Variants in HERC3 observed in about 807,000 individuals in gnomAD.
HERC3 encodes probable E3 ubiquitin-protein ligase HERC3.
A neutral mutation model predicts 129.9 loss-of-function variants in HERC3; 58 were observed. The ratio of observed to expected loss-of-function variants is 0.45; its 90% CI spans 0.36 to 0.56. The LOEUF (loss-of-function observed/expected upper bound fraction) is 0.56, where lower values mean the gene tolerates loss of function less well. Among genes scored for constraint, HERC3 ranks in the 20% least tolerant of loss-of-function variants. The pLI is 0.00. For missense variants in HERC3, 835 were observed against 1,244.2 expected (o/e 0.67, Z 4.95); for synonymous variants, 430 against 451.0 (o/e 0.95, Z 0.59).
At chr4:88,696,912 C>G (rs1251161107) in intron 23 of HERC3, 4 of 343,956 alleles carry the variant, frequency 1.2e-5, no homozygotes, top group Non-Finnish European at 2.1e-5. Context: ...TCTGCTAACA[C>G]CCTTTGTAAA....
At position 88,706,782 on chromosome 4, in the gene HERC3, T is replaced by C. The variant is rs1301769653; in HGVS notation, c.2975T>C (p.Ile992Thr). Reference protein sequence around the residue: ...LFLTGSDRIPIYGMASLQIVI... With the variant: ...LFLTGSDRIPTYGMASLQIVI... ...CTGACAGGCAGCGATCGGATTCCCA[T>C]CTACGGCATGGCCAGTCTGCAGATT... The change falls in exon 26 of 26, where the codon ATC becomes ACC. Residue 992 changes from isoleucine (I) to threonine (T), a missense_variant. Coordinates refer to ENST00000402738, the MANE Select transcript of HERC3 (RefSeq NM_014606.3). 1 of 1,614,076 alleles carries C rather than the reference T, an allele frequency of 6.2e-7. No individual in the cohort carries two copies. Among genetic ancestry groups the C allele is most frequent in the Admixed American group, 1.7e-5 (1 of 59,998 alleles).
At chr4:88,664,122 G>A in intron 11 of HERC3, 31 bp from the exon 12 acceptor site, 1 of 1,586,212 alleles carries the variant, frequency 6.3e-7, no homozygotes, top group Non-Finnish European at 8.6e-7. Context: ...AATTATTAAA[G>A]GCTTCCCCCT....
chr4:88,557,671 G>C, the HERC3 span, among the ~76,000 whole-genome samples: 1 of 152,098 alleles, frequency 6.6e-6, no homozygotes, highest in Admixed American at 6.6e-5. Context: ...CTTTCAGATC[G>C]GATGTGGTGA....
intron 23 of HERC3, among the ~76,000 whole-genome samples, chr4:88,693,941 G>A (rs1386561961): frequency 1.3e-5 from 2 of 152,180 alleles, no homozygotes; most frequent in African/African-American, 4.8e-5. Flanking sequence ...TAACATGCAG[G>A]TTTTAGGGTT....
intron 3 of HERC3, among the ~76,000 whole-genome samples, chr4:88,636,709 G>A (rs1727446416): frequency 6.6e-6 from 1 of 152,132 alleles, no homozygotes; most frequent in South Asian, 2.1e-4. Flanking sequence ...GTGCCACATA[G>A]CACTTACTCT....
At chr4:88,575,377 A>G in the HERC3 span, among the ~76,000 whole-genome samples, 1 of 152,156 alleles carries the variant, frequency 6.6e-6, no homozygotes, top group Admixed American at 6.5e-5. Flanking sequence ...GTCATTCTAG[A>G]GCTCCTCCTC....
chr4:88,661,458 T>C (rs1730481840), intron 10 of HERC3, among the ~76,000 whole-genome samples: 3 of 152,230 alleles, frequency 2.0e-5, no homozygotes, highest in Admixed American at 2.0e-4. Context: ...AGTTATGTTT[T>C]TATGTGTAGG....
intron 12 of HERC3, among the ~76,000 whole-genome samples, chr4:88,666,658 CTT>C (rs1731078553): frequency 6.6e-6 from 1 of 152,138 alleles, no homozygotes; most frequent in African/African-American, 2.4e-5. Context: ...ATAGATAGCT[CTT>C]TTGTAAATTA....
At position 88,704,538 on chromosome 4, in the gene HERC3, A is replaced by G. The variant is rs139713042; in HGVS notation, c.2872A>G (p.Thr958Ala). 4.9e-5 allele frequency: 79 copies of G among 1,612,336 alleles called. 1 individual carries two copies. In the African/African-American group the frequency reaches 1.0e-3, roughly 20 times the overall value. Residue 958 changes from threonine (T) to alanine (A), a missense_variant, in exon 25 of 26, where the codon ACA (threonine) becomes GCA (alanine). Physicochemically the swap from Thr to Ala is moderately conservative, Grantham distance 58. Transcript: ENST00000402738. ...TAIYKGDYSATHPTVKLFWET... is the reference protein window; with the variant it reads ...TAIYKGDYSAAHPTVKLFWET... ...CATCTACAAGGGAGATTACTCGGCC[A>G]CACATCCCACTGTAAAACTATTTTG...
the HERC3 span, among the ~76,000 whole-genome samples, chr4:88,555,844 T>C: frequency 2.6e-5 from 4 of 152,198 alleles, no homozygotes; most frequent in Non-Finnish European, 4.4e-5. Context: ...ATAGTGAATG[T>C]TACTCTATAT....
chr4:88,639,832 C>T (rs1025116156), intron 3 of HERC3, among the ~76,000 whole-genome samples: 2 of 152,004 alleles, frequency 1.3e-5, no homozygotes, highest in Admixed American at 1.3e-4. Flanking sequence ...GCACTCTACC[C>T]ATCTGACAAA....
At chr4:88,699,391 T>C (rs1040559826) in intron 23 of HERC3, among the ~76,000 whole-genome samples, 1 of 84,288 alleles carries the variant, frequency 1.2e-5, no homozygotes, top group Non-Finnish European at 2.1e-5. Context: ...ACGATCTGTC[T>C]TCTTCCCCAC....
chr4:88,561,538 T>C, the HERC3 span, among the ~76,000 whole-genome samples: 5 of 152,254 alleles, frequency 3.3e-5, no homozygotes, highest in East Asian at 9.6e-4. Flanking sequence ...CTTTTGGTTA[T>C]TTTAAAATGA....
chr4:88,533,095 G>A, the HERC3 span, among the ~76,000 whole-genome samples: 9 of 152,220 alleles, frequency 5.9e-5, no homozygotes, highest in Admixed American at 1.3e-4. Context: ...GCCGAAGGCC[G>A]GAGAATCCCT....
the HERC3 span, among the ~76,000 whole-genome samples, chr4:88,584,647 C>T: frequency 6.6e-6 from 1 of 152,180 alleles, no homozygotes; most frequent in Non-Finnish European, 1.5e-5. Flanking sequence ...TCTGCTCTTC[C>T]ACCACATGAG....
At chr4:88,541,086 A>G in the HERC3 span, among the ~76,000 whole-genome samples, 4 of 152,234 alleles carry the variant, frequency 2.6e-5, no homozygotes, top group African/African-American at 9.6e-5. Flanking sequence ...AAATTCACAC[A>G]TAACAATATT....
chr4:88,697,708 G>A (rs372916585), intron 23 of HERC3: 12 of 1,611,676 alleles, frequency 7.4e-6, no homozygotes, highest in African/African-American at 2.7e-5. Context: ...CGCCGCTGCC[G>A]CCGCCTGGCT....
At chr4:88,647,674 C>T (rs538178971) in intron 3 of HERC3, among the ~76,000 whole-genome samples, 1 of 152,022 alleles carries the variant, frequency 6.6e-6, no homozygotes, top group Admixed American at 6.5e-5. Flanking sequence ...CTGGCATGAG[C>T]ATATTTTCAG....
At chr4:88,679,341 C>A (rs1458456871) in intron 19 of HERC3, among the ~76,000 whole-genome samples, 1 of 152,050 alleles carries the variant, frequency 6.6e-6, no homozygotes, top group African/African-American at 2.4e-5. Flanking sequence ...GCAGTTACTT[C>A]AAGAACCCTA....
Sources: allele counts gnomAD v4.1 joint callset (sites outside exome capture counted in the v4.1 genomes callset), GRCh38; gene constraint gnomAD v4.1.1; transcripts MANE v1.5; gene names NCBI Gene and HGNC (gene_info 2026-07-23, HGNC 2026-07-21).